Variants in MAGI1 observed in about 807,000 individuals in gnomAD.
The protein encoded by MAGI1 is membrane-associated guanylate kinase, WW and PDZ domain-containing protein 1.
Under a neutral mutation model 139.9 loss-of-function variants are expected in MAGI1, and 58 were observed. The ratio of observed to expected loss-of-function variants is 0.41; its 90% CI spans 0.34 to 0.52. The LOEUF (loss-of-function observed/expected upper bound fraction) is 0.52, where lower values mean the gene tolerates loss of function less well. Ranked by LOEUF, MAGI1 falls within the 20% of genes least tolerant of loss-of-function variation. MAGI1 has a pLI of 0.12. For synonymous variants in MAGI1, 812 were observed against 737.9 expected, an observed-to-expected ratio of 1.10 and a Z score of -1.63; for missense variants, 1,874 against 1,901.6, an observed-to-expected ratio of 0.99 and a Z score of 0.27.
chr3:65,431,256 A>G (rs1947431421), intron 10 of MAGI1, among the ~76,000 whole-genome samples: 1 of 152,142 alleles, frequency 6.6e-6, no homozygotes, highest in African/African-American at 2.4e-5. Flanking sequence ...TTTTGTTTTA[A>G]TTTTATTTTG....
chr3:65,947,139 C>T (rs1482997035), intron 1 of MAGI1, among the ~76,000 whole-genome samples: 1 of 152,134 alleles, frequency 6.6e-6, no homozygotes, highest in African/African-American at 2.4e-5. Flanking sequence ...TGTAAAATAA[C>T]TCCCGAGCTT....
chr3:65,876,304 G>T (rs1168304879), intron 1 of MAGI1, among the ~76,000 whole-genome samples: 1 of 151,930 alleles, frequency 6.6e-6, no homozygotes, highest in Non-Finnish European at 1.5e-5. Flanking sequence ...CTGCACTCCA[G>T]CCTGGGCAAT....
chr3:65,954,469 A>C (rs2064016976), intron 1 of MAGI1: 1 of 152,630 alleles, frequency 6.6e-6, no homozygotes, highest in Admixed American at 6.5e-5. Context: ...CTGACATAGA[A>C]AATGTCTGTG....
At chr3:65,537,643 G>A (rs963709326) in intron 2 of MAGI1, among the ~76,000 whole-genome samples, 1 of 151,996 alleles carries the variant, frequency 6.6e-6, no homozygotes, top group Non-Finnish European at 1.5e-5. Flanking sequence ...CAATAATCAG[G>A]AAATCATTGC....
At chr3:65,779,064 G>A (rs1461548275) in intron 1 of MAGI1, among the ~76,000 whole-genome samples, 1 of 152,178 alleles carries the variant, frequency 6.6e-6, no homozygotes, top group African/African-American at 2.4e-5. Flanking sequence ...CAGTGCATAG[G>A]AAAAGAAACC....
intron 1 of MAGI1, among the ~76,000 whole-genome samples, chr3:65,816,578 G>T (rs1301651173): frequency 1.3e-5 from 2 of 150,982 alleles, no homozygotes; most frequent in Admixed American, 1.3e-4. Flanking sequence ...TATTTGACAT[G>T]ACCGATTGTC....
At chr3:65,507,325 G>T (rs949862361) in intron 2 of MAGI1, among the ~76,000 whole-genome samples, 6 of 152,170 alleles carry the variant, frequency 3.9e-5, no homozygotes, top group East Asian at 3.9e-4. Context: ...TACCTTGAAG[G>T]GGTTTTAGAT....
chr3:65,817,211 AT>A (rs2041661680), intron 1 of MAGI1, among the ~76,000 whole-genome samples: 2 of 152,174 alleles, frequency 1.3e-5, no homozygotes, highest in Non-Finnish European at 2.9e-5. Context: ...ATTCCCCAAA[AT>A]TTTGATATAG....
chr3:65,464,324 T>C (rs919957138), intron 5 of MAGI1, among the ~76,000 whole-genome samples: 3 of 152,104 alleles, frequency 2.0e-5, no homozygotes, highest in Non-Finnish European at 4.4e-5. Context: ...GCACTGGGAG[T>C]TTAGATTGTT....
At chr3:65,894,325 A>T (rs2060884184) in intron 1 of MAGI1, among the ~76,000 whole-genome samples, 1 of 152,168 alleles carries the variant, frequency 6.6e-6, no homozygotes, top group Non-Finnish European at 1.5e-5. Context: ...GGCCCTTGTG[A>T]CTCCAAATCC....
At position 65,379,381 on chromosome 3, in the gene MAGI1, T is replaced by TGCCCCCGCCGCC. The variant is rs1183784733; in HGVS notation, c.2863_2874dup (p.Gly955_Gly958dup). The TGCCCCCGCCGCC allele has an allele frequency of 1.1e-5, 18 of 1,612,416 alleles. No homozygotes were observed. Among genetic ancestry groups the TGCCCCCGCCGCC allele is most frequent in the African/African-American group, 5.3e-5 (4 of 74,878 alleles). ...TGCACCACGGTGCTGACCACGCCGC[T>TGCCCCCGCCGCC]GCCCCCGCCGCCGCCACTGCCGATG... On this transcript the variant is annotated inframe_insertion, in exon 17 of 23. Transcript: ENST00000402939.
chr3:65,522,947 A>G (rs886852973), intron 2 of MAGI1, among the ~76,000 whole-genome samples: 3 of 152,174 alleles, frequency 2.0e-5, no homozygotes, highest in African/African-American at 7.2e-5. Context: ...CACTTCCTCC[A>G]GGAACCTTGT....
At chr3:65,781,233 G>A (rs920343361) in intron 1 of MAGI1, among the ~76,000 whole-genome samples, 2 of 151,932 alleles carry the variant, frequency 1.3e-5, no homozygotes, top group South Asian at 2.1e-4. Context: ...TTAAAAGTTC[G>A]GATGGAAAAC....
intron 1 of MAGI1, among the ~76,000 whole-genome samples, chr3:65,831,143 T>C (rs2042502926): frequency 6.6e-6 from 1 of 152,182 alleles, no homozygotes; most frequent in South Asian, 2.1e-4. Context: ...GACCTTTTTG[T>C]CCTGTTCCTC....
intron 1 of MAGI1, among the ~76,000 whole-genome samples, chr3:65,954,209 T>C (rs2106992766): frequency 6.6e-6 from 1 of 152,272 alleles, no homozygotes; most frequent in Admixed American, 6.5e-5. Context: ...TTTCAAGATT[T>C]TGGGTAATAA....
intron 5 of MAGI1, among the ~76,000 whole-genome samples, chr3:65,456,257 A>AT (rs1459759662): frequency 1.3e-5 from 2 of 152,020 alleles, no homozygotes; most frequent in African/African-American, 4.8e-5. Context: ...GAGCTAACTA[A>AT]TTTTTTCCCT....
At chr3:65,879,662 TA>T (rs2060248936) in intron 1 of MAGI1, among the ~76,000 whole-genome samples, 1 of 152,186 alleles carries the variant, frequency 6.6e-6, no homozygotes, top group Admixed American at 6.5e-5. Context: ...CAACTCAATT[TA>T]GAGTTATAAG....
At chr3:65,643,838 T>C (rs897303384) in intron 1 of MAGI1, among the ~76,000 whole-genome samples, 2 of 152,178 alleles carry the variant, frequency 1.3e-5, no homozygotes, top group African/African-American at 4.8e-5. Flanking sequence ...ATGGGGAGCT[T>C]AGAATTCCGC....
intron 1 of MAGI1, among the ~76,000 whole-genome samples, chr3:65,937,938 AAAAG>A (rs1207424104): frequency 5.3e-5 from 8 of 152,220 alleles, no homozygotes; most frequent in African/African-American, 1.9e-4. Context: ...CTTTTATAAA[AAAAG>A]AAAAAGAGAC....
Sources: allele counts gnomAD v4.1 joint callset (sites outside exome capture counted in the v4.1 genomes callset), GRCh38; gene constraint gnomAD v4.1.1; transcripts MANE v1.5; gene names NCBI Gene and HGNC (gene_info 2026-07-23, HGNC 2026-07-21).